The following OBI1 variants were observed in gnomAD, a reference collection of about 807,000 sequenced individuals.
OBI1 encodes ring finger protein 219.
In OBI1, 59 loss-of-function variants were observed where a neutral mutation model predicts 62.4. The observed-to-expected ratio is 0.95, with a 90% CI of 0.77 to 1.17. The LOEUF (loss-of-function observed/expected upper bound fraction) is 1.17. Among genes scored for constraint, OBI1 ranks in the 50% most tolerant of loss-of-function variants. OBI1 has a pLI of 0.00. For synonymous variants in OBI1, 302 were observed against 292.8 expected, an observed-to-expected ratio of 1.03 and a Z score of -0.32; for missense variants, 875 against 830.9, an observed-to-expected ratio of 1.05 and a Z score of -0.65.
intron 1 of OBI1, among the ~76,000 whole-genome samples, chr13:78,657,332 A>C (rs1035869675): frequency 3.9e-5 from 6 of 151,976 alleles, no homozygotes; most frequent in African/African-American, 1.4e-4. Context: ...GGATGAACTT[A>C]GGTGAGGGTT....
rs1875909609 is a variant in OBI1 at position 78,633,261 on chromosome 13, T to C, written c.638+1849A>G. Among the ~76,000 whole-genome samples the C allele has an allele frequency of 2.0e-5, 3 of 152,298 alleles. No individual in the cohort carries two copies. In the South Asian group the frequency reaches 6.2e-4, roughly 32 times the overall value. ...TAATTTGTCAAAGTAGGACATTATC[T>C]GAAGTGAAAGAAAAACGGGGTTGGA... On this transcript the variant is annotated intron_variant, in intron 5 of 5. Coordinates refer to ENST00000282003, the MANE Select transcript of OBI1 (RefSeq NM_024546.4).
At chr13:78,656,584 GAAAAAAAGAAA>G (rs1257825188) in intron 1 of OBI1, among the ~76,000 whole-genome samples, 11 of 146,590 alleles carry the variant, frequency 7.5e-5, no homozygotes, top group Non-Finnish European at 1.5e-4. Context: ...CTCCGTCTCA[GAAAAAAAGAAA>G]AAAAAAAGAA....
chr13:78,642,273 A>C (rs1876242098), intron 2 of OBI1, 60 bp from the exon 3 acceptor site: 2 of 1,077,898 alleles, frequency 1.9e-6, no homozygotes, highest in Non-Finnish European at 2.8e-6. Flanking sequence ...AATGAAAATG[A>C]TCCTTTTTCA....
At chr13:78,639,953 T>TG (rs1876159964) in intron 3 of OBI1, among the ~76,000 whole-genome samples, 1 of 151,238 alleles carries the variant, frequency 6.6e-6, no homozygotes, top group Non-Finnish European at 1.5e-5. Context: ...GTAACTAACC[T>TG]GCACAATGTG....
chr13:78,618,718 C>T (rs977612171), intron 5 of OBI1, among the ~76,000 whole-genome samples: 2 of 152,166 alleles, frequency 1.3e-5, no homozygotes, highest in Admixed American at 6.5e-5. Context: ...ACAGCAAAAA[C>T]CACAGGTATA....
rs769702395 is a variant in OBI1 at position 78,614,951 on chromosome 13, A to T, written c.*629T>A. The T allele has an allele frequency of 6.6e-6, 1 of 152,232 alleles. No individual in the cohort carries two copies. Among genetic ancestry groups the T allele is most frequent in the African/African-American group, 2.4e-5 (1 of 41,454 alleles). The allele number at this position is 152,232 out of a possible 1,614,324, so 9.4% of individuals were successfully genotyped here. ...ACAAAACTGGACAAAACACAATGCT[A>T]AAAAATGCAAACATATACATAAAAC... is the stretch of plus-strand genomic sequence containing the variant. On this transcript the variant is annotated 3_prime_UTR_variant, in exon 6 of 6. Coordinates refer to ENST00000282003, the MANE Select transcript of OBI1 (RefSeq NM_024546.4).
intron 5 of OBI1, among the ~76,000 whole-genome samples, chr13:78,630,934 C>T (rs1338424624): frequency 1.3e-5 from 2 of 152,142 alleles, no homozygotes; most frequent in South Asian, 2.1e-4. Flanking sequence ...ATACTTGCTT[C>T]ATATTCAAAT....
In OBI1 at chr13:78,642,142, A is replaced by G. The variant is rs201142288; in HGVS notation, c.280T>C (p.Leu94=). 31 of 1,599,742 alleles carry G rather than the reference A, an allele frequency of 1.9e-5. No homozygotes were observed. The highest frequency in any genetic ancestry group is 3.4e-6 in the Non-Finnish European group (4 of 1,167,282). ...RKHLRKTRLE[L]LHKEYEDEID... ...TTTACCTCATATTCTTTGTGTAGTAATTCAAGTCTAGTTTTCCGAAGATGC... is the reference window on the plus strand; with the variant it reads ...TTTACCTCATATTCTTTGTGTAGTAGTTCAAGTCTAGTTTTCCGAAGATGC... Residue 94 remains leucine, a synonymous_variant, in exon 3 of 6, where the codon TTA becomes CTA. Transcript: ENST00000282003.
rs1221869218 is a variant in OBI1 at position 78,653,541 on chromosome 13, CAT to C, written c.72+5506_72+5507del. 3.9e-5 allele frequency among the ~76,000 whole-genome samples: 6 copies of C among 152,310 alleles called. No individual in the cohort carries two copies. The South Asian group carries it at 8.3e-4, about 21-fold the overall frequency. ...ACTCAATGTGATTCAACTGCAAAAT[CAT>C]GTGTTCTTTCAACTAAGAAACAGTT... On this transcript the variant is annotated intron_variant, in intron 1 of 5. Coordinates refer to ENST00000282003, the MANE Select transcript of OBI1 (RefSeq NM_024546.4).
intron 5 of OBI1, among the ~76,000 whole-genome samples, chr13:78,620,892 A>T (rs1389224518): frequency 6.6e-6 from 1 of 152,212 alleles, no homozygotes; most frequent in African/African-American, 2.4e-5. Context: ...GTGCTACGCT[A>T]CTATCCTTGA....
intron 2 of OBI1, among the ~76,000 whole-genome samples, chr13:78,644,082 G>C (rs1369382998): frequency 2.0e-5 from 3 of 151,990 alleles, no homozygotes; most frequent in Non-Finnish European, 2.9e-5. Flanking sequence ...ATGTGACATA[G>C]AATTTGTTTT....
intron 5 of OBI1, among the ~76,000 whole-genome samples, chr13:78,623,042 A>G (rs1029477783): frequency 6.6e-6 from 1 of 152,146 alleles, no homozygotes; most frequent in African/African-American, 2.4e-5. Flanking sequence ...TCTTTAAACT[A>G]CTAGGGAAGT....
chr13:78,629,134 A>G (rs1875769717), intron 5 of OBI1, among the ~76,000 whole-genome samples: 1 of 152,114 alleles, frequency 6.6e-6, no homozygotes, highest in African/African-American at 2.4e-5. Context: ...TGCCCAGAGT[A>G]TCTAGAGCCT....
chr13:78,633,650 A>T (rs1426175335), intron 5 of OBI1, among the ~76,000 whole-genome samples: 1 of 152,152 alleles, frequency 6.6e-6, no homozygotes, highest in Non-Finnish European at 1.5e-5. Flanking sequence ...AAGAACCTTA[A>T]GTGCTGTCTG....
intron 1 of OBI1, among the ~76,000 whole-genome samples, chr13:78,658,753 G>A (rs984490671): frequency 1.3e-5 from 2 of 152,284 alleles, no homozygotes; most frequent in East Asian, 1.9e-4. Context: ...GGCCTCCTTC[G>A]AGGCCGGTGT....
At chr13:78,649,269 G>A (rs944806606) in intron 1 of OBI1, among the ~76,000 whole-genome samples, 1 of 152,208 alleles carries the variant, frequency 6.6e-6, no homozygotes, top group Non-Finnish European at 1.5e-5. Context: ...CAAAGGAAGA[G>A]GAAGAGCAAC....
chr13:78,639,889 G>T (rs901691036), intron 3 of OBI1, among the ~76,000 whole-genome samples: 1 of 147,788 alleles, frequency 6.8e-6, no homozygotes, highest in African/African-American at 2.5e-5. Context: ...TATACCTAAT[G>T]CTAGATGACG....
chr13:78,648,602 TA>T (rs1033132212), intron 1 of OBI1, among the ~76,000 whole-genome samples: 5 of 151,394 alleles, frequency 3.3e-5, no homozygotes, highest in Non-Finnish European at 5.9e-5. Flanking sequence ...AATCTTTCCA[TA>T]AAAAAAACAC....
rs1322617101 is a variant in OBI1, at chr13:78,615,373, A to G, written c.*207T>C. On this transcript the variant is annotated 3_prime_UTR_variant, in exon 6 of 6. Coordinates refer to ENST00000282003, the MANE Select transcript of OBI1 (RefSeq NM_024546.4). Reference sequence around the variant, plus strand: ...CTCCCTAACTTCTCTGGTCACAAAGACTCCCAAATAAAAATGAAAAGAACA... The same window carrying G: ...CTCCCTAACTTCTCTGGTCACAAAGGCTCCCAAATAAAAATGAAAAGAACA... The G allele has an allele frequency of 9.9e-6, 4 of 402,822 alleles. No individual in the cohort carries two copies. In the East Asian group the frequency reaches 1.1e-4, roughly 11 times the overall value. 25.0% of individuals were successfully genotyped at this position (402,822 alleles called of 1,614,324 possible). A position where few individuals can be genotyped will look rare whatever the true frequency, so the allele number is the denominator to read the frequency against.
Sources: allele counts gnomAD v4.1 joint callset (sites outside exome capture counted in the v4.1 genomes callset), GRCh38; gene constraint gnomAD v4.1.1; transcripts MANE v1.5; gene names NCBI Gene and HGNC (gene_info 2026-07-23, HGNC 2026-07-21).